SLC12A2: variants seen among roughly 807,000 people sequenced by gnomAD.
SLC12A2 encodes the protein solute carrier family 12 member 2.
A neutral mutation model predicts 136.3 loss-of-function variants in SLC12A2; 67 were observed. The ratio of observed to expected loss-of-function variants is 0.49; its 90% CI spans 0.40 to 0.60. SLC12A2 has a LOEUF of 0.60. Among genes scored for constraint, SLC12A2 ranks in the 20% least tolerant of loss-of-function variants. The pLI, the probability that SLC12A2 is intolerant of heterozygous loss-of-function variation, is 0.00. For synonymous variants in SLC12A2, 619 were observed against 562.9 expected (o/e 1.10, Z -1.41); for missense variants, 1,322 against 1,534.7 (o/e 0.86, Z 2.32).
chr5:128,158,618 G>T (rs1438612702), intron 16 of SLC12A2, among the ~76,000 whole-genome samples: 1 of 152,114 alleles, frequency 6.6e-6, no homozygotes, highest in Non-Finnish European at 1.5e-5. Flanking sequence ...GGGCATTTAG[G>T]TTGATTCCAT....
rs1581103306 is a variant in SLC12A2, at chr5:128,139,352, G to A, written c.1621+444G>A. ...GCAATTTTTTACTATAAAAACACTGGTTTTGAAGATTAGGACATACTAAGT... is the reference window on the plus strand; with the variant it reads ...GCAATTTTTTACTATAAAAACACTGATTTTGAAGATTAGGACATACTAAGT... On this transcript the variant is annotated intron_variant, in intron 9 of 26. Transcript: ENST00000262461. Among the ~76,000 whole-genome samples, 4 of 151,886 alleles carry A rather than the reference G, an allele frequency of 2.6e-5. No individual in the cohort carries two copies. In the South Asian group the frequency reaches 8.3e-4, roughly 32 times the overall value.
At chr5:128,114,716 T>C (rs750980785) in intron 4 of SLC12A2, 35 bp downstream of exon 4, 2 of 1,216,398 alleles carry the variant, frequency 1.6e-6, no homozygotes, top group East Asian at 4.7e-5. Context: ...CATCATCAGA[T>C]TACTCTTACT....
intron 10 of SLC12A2, among the ~76,000 whole-genome samples, chr5:128,144,997 A>G (rs1268071708): frequency 6.6e-6 from 1 of 151,740 alleles, no homozygotes; most frequent in East Asian, 1.9e-4. Context: ...TAATATCATT[A>G]TTTACATTGA....
chr5:128,118,418 C>T (rs1475027337), intron 4 of SLC12A2, among the ~76,000 whole-genome samples: 2 of 152,120 alleles, frequency 1.3e-5, no homozygotes, highest in Non-Finnish European at 2.9e-5. Context: ...ATGGCATTTG[C>T]GGCAACCTGC....
intron 23 of SLC12A2, 97 bp downstream of exon 23, chr5:128,181,091 C>G: frequency 1.2e-6 from 1 of 806,514 alleles, no homozygotes; most frequent in African/African-American, 1.7e-5. Context: ...CAGAAAATGT[C>G]TATTATCTTG....
At chr5:128,182,052 C>A (rs1032906044) in intron 23 of SLC12A2, among the ~76,000 whole-genome samples, 78 of 151,320 alleles carry the variant, frequency 5.2e-4, no homozygotes, top group African/African-American at 1.8e-3. Flanking sequence ...GTTTTGTGGG[C>A]CCTGTTTAGC....
intron 14 of SLC12A2, among the ~76,000 whole-genome samples, chr5:128,152,196 G>T (rs1274142259): frequency 6.6e-6 from 1 of 152,088 alleles, no homozygotes; most frequent in East Asian, 1.9e-4. Flanking sequence ...CTCCAGAAAT[G>T]AAATAAAACA....
rs1206092085 is a variant in SLC12A2, at chr5:128,189,508, T to G, written c.*2877T>G. On this transcript the variant is annotated 3_prime_UTR_variant, in exon 27 of 27. Coordinates refer to ENST00000262461, the MANE Select transcript of SLC12A2 (RefSeq NM_001046.3). ...AGACTATGGAAATAATTTAAAGATT[T>G]AAGCTCTGGTGGATGATTATCTGCT... 1 of 152,598 alleles carries G rather than the reference T, an allele frequency of 6.6e-6. No homozygotes were observed. The highest frequency in any genetic ancestry group is 2.4e-5 in the African/African-American group (1 of 41,466). 9.5% of individuals were successfully genotyped at this position (152,598 alleles called of 1,614,324 possible). A position where few individuals can be genotyped will look rare whatever the true frequency, so the allele number is the denominator to read the frequency against.
At chr5:128,099,583 CTT>C (rs548731858) in intron 1 of SLC12A2, among the ~76,000 whole-genome samples, 272 of 152,192 alleles carry the variant, frequency 1.8e-3, no homozygotes, top group African/African-American at 6.1e-3. Context: ...CTTTTTGACA[CTT>C]TTGTAATAAC....
At chr5:128,138,459 C>T (rs922094345) in intron 7 of SLC12A2, 138 bp from the exon 8 acceptor site, 8 of 702,012 alleles carry the variant, frequency 1.1e-5, no homozygotes, top group Non-Finnish European at 1.9e-5. Context: ...AATACTTGAA[C>T]TGGGAAATAT....
intron 1 of SLC12A2, among the ~76,000 whole-genome samples, chr5:128,100,461 C>T (rs1760705640): frequency 2.0e-5 from 3 of 152,030 alleles, no homozygotes; most frequent in Admixed American, 1.3e-4. Context: ...TGCTGAACTC[C>T]AGTAGATATA....
chr5:128,185,243 T>C (rs930256272), intron 26 of SLC12A2, among the ~76,000 whole-genome samples: 1 of 152,182 alleles, frequency 6.6e-6, no homozygotes, highest in Non-Finnish European at 1.5e-5. Flanking sequence ...AAAAATGTTA[T>C]TTGGCAGATT....
intron 1 of SLC12A2, among the ~76,000 whole-genome samples, chr5:128,103,439 T>C (rs1246531289): frequency 5.3e-5 from 8 of 152,226 alleles, no homozygotes; most frequent in Non-Finnish European, 2.9e-5. Flanking sequence ...AGGACATTAT[T>C]TGGAAAACAG....
rs768479141 is a variant in SLC12A2 at position 128,171,775 on chromosome 5, T to C, written c.2803+29T>C. ...AATTTTGTTGGCAATAAGTTTTTTA[T>C]TTACAAAAATATAAACTACTTTGTT... On this transcript the variant is annotated intron_variant, in intron 19 of 26. Coordinates refer to ENST00000262461, the MANE Select transcript of SLC12A2 (RefSeq NM_001046.3). 1.2e-5 allele frequency: 15 copies of C among 1,298,864 alleles called. No individual in the cohort carries two copies. In the East Asian group the frequency reaches 3.5e-4, roughly 30 times the overall value. 80.5% of individuals were successfully genotyped at this position (1,298,864 alleles called of 1,614,324 possible).
At chr5:128,158,930 C>A (rs1002950774) in intron 16 of SLC12A2, among the ~76,000 whole-genome samples, 20 of 145,120 alleles carry the variant, frequency 1.4e-4, no homozygotes, top group Non-Finnish European at 2.9e-4. Context: ...TTTTTTTATA[C>A]TAAAACTTTT....
At chr5:128,105,993 C>T (rs1018374257) in intron 1 of SLC12A2, among the ~76,000 whole-genome samples, 2 of 152,126 alleles carry the variant, frequency 1.3e-5, no homozygotes, top group African/African-American at 4.8e-5. Context: ...TTTTTGATTA[C>T]TGAGGGCCTA....
intron 21 of SLC12A2, chr5:128,178,350 G>C: frequency 3.3e-6 from 1 of 303,440 alleles, no homozygotes; most frequent in Non-Finnish European, 6.0e-6. Flanking sequence ...ATTTGGATTG[G>C]TTTAGCTATT....
intron 4 of SLC12A2, among the ~76,000 whole-genome samples, chr5:128,119,580 T>TTGTTCC (rs1761478768): frequency 2.6e-5 from 4 of 152,214 alleles, no homozygotes; most frequent in Non-Finnish European, 5.9e-5. Flanking sequence ...CATTGATCTA[T>TTGTTCC]ATCTCTGTTT....
intron 1 of SLC12A2, among the ~76,000 whole-genome samples, chr5:128,107,204 G>C (rs1760971494): frequency 6.6e-6 from 1 of 152,160 alleles, no homozygotes; most frequent in Admixed American, 6.5e-5. Flanking sequence ...TTAAACAGTG[G>C]TGGAAGTACA....
Sources: allele counts gnomAD v4.1 joint callset (sites outside exome capture counted in the v4.1 genomes callset), GRCh38; gene constraint gnomAD v4.1.1; transcripts MANE v1.5; gene names NCBI Gene and HGNC (gene_info 2026-07-23, HGNC 2026-07-21).